The following SMN2 variants were observed in gnomAD, a reference collection of about 807,000 sequenced individuals.
The protein encoded by SMN2 is survival motor neuron protein.
Under a neutral mutation model 2.8 loss-of-function variants are expected in SMN2, and 1 was observed. The observed-to-expected ratio is 0.35, with a 90% confidence interval of 0.13 to 1.68. The LOEUF (loss-of-function observed/expected upper bound fraction) is 1.68. Among genes scored for constraint, SMN2 ranks in the 40% most tolerant of loss-of-function variants. The pLI is 0.35. For synonymous variants in SMN2, 5 were observed against 5.0 expected, an observed-to-expected ratio of 0.99 and a Z score of 0.01; for missense variants, 12 against 16.9, an observed-to-expected ratio of 0.71 and a Z score of 0.51.
the SMN2 span, among the ~76,000 whole-genome samples, chr5:70,084,390 T>C: frequency 1.0e-4 from 12 of 120,424 alleles, no homozygotes; most frequent in African/African-American, 4.6e-4. Flanking sequence ...GGTTTCACCA[T>C]GTTGGCCAGG....
downstream of SMN2, among the ~76,000 whole-genome samples, chr5:70,079,290 C>T (rs1293051053): frequency 6.2e-5 from 9 of 145,356 alleles, no homozygotes; most frequent in South Asian, 2.1e-4. Flanking sequence ...AAAATTAGCC[C>T]GGCATGGTGG....
intron 1 of SMN2, among the ~76,000 whole-genome samples, chr5:70,052,653 C>T (rs1460733703): frequency 1.7e-4 from 5 of 29,160 alleles, no homozygotes; most frequent in Non-Finnish European, 2.4e-4. Flanking sequence ...ACACGGGAGG[C>T]GAGGTTTGCA....
downstream of SMN2, among the ~76,000 whole-genome samples, chr5:70,080,510 C>G (rs1485391366): frequency 3.0e-5 from 3 of 100,144 alleles, no homozygotes; most frequent in Non-Finnish European, 5.8e-5. Context: ...TCCTATTTCT[C>G]CACATCCTCT....
downstream of SMN2, among the ~76,000 whole-genome samples, chr5:70,083,379 T>G (rs1448439138): frequency 7.3e-6 from 1 of 136,888 alleles, no homozygotes; most frequent in African/African-American, 3.1e-5. Flanking sequence ...TCAACCACTG[T>G]GGAAGTCAGT....
At chr5:70,084,731 C>T in the SMN2 span, among the ~76,000 whole-genome samples, 3 of 137,786 alleles carry the variant, frequency 2.2e-5, no homozygotes, top group Non-Finnish European at 4.6e-5. Flanking sequence ...TTTATATGGT[C>T]TTCCCATTAC....
chr5:70,069,984 T>G (rs2112473937), intron 6 of SMN2, among the ~76,000 whole-genome samples: 1 of 36,602 alleles, frequency 2.7e-5, no homozygotes. Flanking sequence ...ATTACAGGCG[T>G]GAGCTGCCGC....
chr5:70,082,331 G>T (rs2112503563), downstream of SMN2, among the ~76,000 whole-genome samples: 1 of 119,850 alleles, frequency 8.3e-6, no homozygotes, highest in Non-Finnish European at 1.6e-5. Context: ...TCTCTTTTTT[G>T]GTTGTGTCTC....
downstream of SMN2, among the ~76,000 whole-genome samples, chr5:70,082,127 G>C (rs1312446073): frequency 3.0e-5 from 4 of 131,880 alleles, 1 homozygote; most frequent in Admixed American, 2.3e-4. Flanking sequence ...TAATCATGTG[G>C]TTTTTGTCTT....
chr5:70,080,332 GA>G (rs1192914757), downstream of SMN2, among the ~76,000 whole-genome samples: 193 of 130,236 alleles, frequency 1.5e-3, no homozygotes, highest in Non-Finnish European at 1.0e-3. Context: ...GTCTCAAAAA[GA>G]AAAAAAGTAA....
At chr5:70,075,740 C>T (rs1774730979) in intron 7 of SMN2, among the ~76,000 whole-genome samples, 1 of 121,606 alleles carries the variant, frequency 8.2e-6, no homozygotes, top group East Asian at 2.2e-4. Flanking sequence ...AGGGCACATT[C>T]ACAGCTCACT....
At chr5:70,083,376 C>T (rs1316961105), downstream of SMN2, among the ~76,000 whole-genome samples, 3 of 136,628 alleles carry the variant, frequency 2.2e-5, no homozygotes, top group Non-Finnish European at 3.1e-5. Flanking sequence ...GCTTCAACCA[C>T]TGTGGAAGTC....
intron 7 of SMN2, among the ~76,000 whole-genome samples, chr5:70,074,415 A>G: frequency 1.5e-5 from 1 of 66,596 alleles, no homozygotes; most frequent in Non-Finnish European, 3.1e-5. Flanking sequence ...AGGCCGAGGC[A>G]GGCGGATCAC....
downstream of SMN2, among the ~76,000 whole-genome samples, chr5:70,079,697 T>C (rs567881842): frequency 2.9e-5 from 4 of 136,878 alleles, no homozygotes; most frequent in African/African-American, 1.2e-4. Context: ...GTTGAGGCTG[T>C]GTAATGAGCC....
chr5:70,070,146 A>C (rs1243760662), intron 6 of SMN2, among the ~76,000 whole-genome samples: 1 of 132,580 alleles, frequency 7.5e-6, no homozygotes, highest in Non-Finnish European at 1.6e-5. Context: ...ATGCTATGTG[A>C]GCTGTGTGTG....
chr5:70,075,032 G>A (rs1774702964), intron 7 of SMN2, among the ~76,000 whole-genome samples: 1 of 122,904 alleles, frequency 8.1e-6, no homozygotes, highest in Non-Finnish European at 1.7e-5. Context: ...AAATTAATTA[G>A]TTTATTTATT....
chr5:70,081,849 G>T (rs1307693090), downstream of SMN2, among the ~76,000 whole-genome samples: 11 of 65,732 alleles, frequency 1.7e-4, no homozygotes, highest in African/African-American at 1.0e-3. Flanking sequence ...TTGAATACCC[G>T]TTATTTCTTT....
At chr5:70,083,589 T>C in the SMN2 span, among the ~76,000 whole-genome samples, 1 of 136,860 alleles carries the variant, frequency 7.3e-6, no homozygotes, top group East Asian at 2.1e-4. Flanking sequence ...TAAGAAAATA[T>C]GGCACATATA....
the SMN2 span, among the ~76,000 whole-genome samples, chr5:70,084,336 G>A: frequency 5.7e-4 from 51 of 89,514 alleles, no homozygotes; most frequent in Non-Finnish European, 8.0e-4. Flanking sequence ...ACAGGCACAC[G>A]CCACCATGCC....
the SMN2 span, among the ~76,000 whole-genome samples, chr5:70,084,681 G>C: frequency 7.2e-6 from 1 of 137,954 alleles, no homozygotes; most frequent in Non-Finnish European, 1.5e-5. Flanking sequence ...GTGAAGTTCA[G>C]CACCTTTTCA....
Sources: gnomAD v4.1 joint callset for allele counts (sites outside exome capture counted in the v4.1 genomes callset) on GRCh38, gnomAD v4.1.1 for gene constraint, MANE v1.5 for transcripts, NCBI Gene and HGNC (gene_info 2026-07-23, HGNC 2026-07-21) for gene names.